The following SLC4A4 variants were observed in gnomAD, a reference collection of about 807,000 sequenced individuals.
SLC4A4 encodes the protein solute carrier family 4 member 4.
A neutral mutation model predicts 111.5 loss-of-function variants in SLC4A4; 27 were observed. The ratio of observed to expected loss-of-function variants is 0.24; its 90% CI spans 0.18 to 0.33. The LOEUF (loss-of-function observed/expected upper bound fraction) is 0.33, where lower values mean the gene tolerates loss of function less well. SLC4A4 is among the 10% of genes least tolerant of loss of function. The pLI, the probability that SLC4A4 is intolerant of heterozygous loss-of-function variation, is 1.00. For missense variants in SLC4A4, 909 were observed against 1,315.5 expected (o/e 0.69, Z 4.78); for synonymous variants, 443 against 463.4 (o/e 0.96, Z 0.57).
At chr4:71,510,265 T>C (rs1031850477) in intron 16 of SLC4A4, among the ~76,000 whole-genome samples, 2 of 152,218 alleles carry the variant, frequency 1.3e-5, no homozygotes, top group African/African-American at 4.8e-5. Flanking sequence ...GGATGCCTTT[T>C]CCTTTGTCTA....
chr4:71,546,666 A>G (rs1735547800), intron 19 of SLC4A4, 138 bp downstream of exon 19: 7 of 793,722 alleles, frequency 8.8e-6, no homozygotes, highest in Non-Finnish European at 4.2e-6. Flanking sequence ...TGTTCCAGAA[A>G]GGACTAAATT....
intron 8 of SLC4A4, 148 bp downstream of exon 8, chr4:71,440,921 C>T: frequency 1.1e-6 from 1 of 872,040 alleles, no homozygotes; most frequent in South Asian, 1.4e-5. Context: ...GACTTTTATA[C>T]TGTCAAATTT....
At chr4:71,264,733 AAAC>A (rs532894153) in intron 3 of SLC4A4, among the ~76,000 whole-genome samples, 91 of 152,226 alleles carry the variant, frequency 6.0e-4, no homozygotes, top group Non-Finnish European at 1.0e-3. Context: ...TGAATGCCAC[AAAC>A]AACAACAACC....
intron 14 of SLC4A4, among the ~76,000 whole-genome samples, chr4:71,476,846 G>T (rs1728421452): frequency 6.6e-6 from 1 of 151,682 alleles, no homozygotes; most frequent in Non-Finnish European, 1.5e-5. Context: ...GTGGATACAT[G>T]CCATACATGG....
intron 7 of SLC4A4, among the ~76,000 whole-genome samples, chr4:71,427,870 T>C (rs961844994): frequency 9.2e-5 from 14 of 152,152 alleles, no homozygotes; most frequent in Non-Finnish European, 7.4e-5. Flanking sequence ...AGAAATATAG[T>C]TGGGCCTATG....
chr4:71,450,816 G>A lies in SLC4A4; in HGVS notation c.1208+273G>A, dbSNP rs921570980. ...GAATGTATCACAGACATGCTTTGGC[G>A]ATGTTTTGGGGACCCCCTGTATATC... On this transcript the variant is annotated intron_variant, in intron 10 of 25. Coordinates refer to ENST00000264485, the MANE Select transcript of SLC4A4 (RefSeq NM_001098484.3). 3.9e-5 allele frequency among the ~76,000 whole-genome samples: 6 copies of A among 152,176 alleles called. No individual in the cohort carries two copies. The East Asian group carries it at 7.7e-4, about 20-fold the overall frequency.
intron 1 of SLC4A4, among the ~76,000 whole-genome samples, chr4:71,203,001 A>G (rs1180856933): frequency 3.9e-5 from 6 of 151,990 alleles, no homozygotes; most frequent in Admixed American, 2.6e-4. Flanking sequence ...TTTTTTTCCT[A>G]TTGAGACTAA....
In SLC4A4 at chr4:71,420,379, T is replaced by C. The variant is rs550912170; in HGVS notation, c.808-20237T>C. On this transcript the variant is annotated intron_variant, in intron 7 of 25. Transcript: ENST00000264485. ...CTCTGATTGGTGTACCTGAAAGTGA[T>C]GGGGAGAATGGAACCAAGTTGGAAA... is the stretch of plus-strand genomic sequence containing the variant. Among the ~76,000 whole-genome samples the C allele has an allele frequency of 3.9e-5, 6 of 152,240 alleles. No homozygotes were observed. The South Asian group carries it at 1.2e-3, about 32-fold the overall frequency.
At chr4:71,508,632 G>C (rs549009021) in intron 16 of SLC4A4, among the ~76,000 whole-genome samples, 1 of 151,990 alleles carries the variant, frequency 6.6e-6, no homozygotes, top group East Asian at 1.9e-4. Flanking sequence ...CCAACAACCC[G>C]AAAAAGCCCA....
At chr4:71,133,807 C>A (rs1025250855) in intron 2 of SLC4A4, among the ~76,000 whole-genome samples, 1 of 152,192 alleles carries the variant, frequency 6.6e-6, no homozygotes, top group Non-Finnish European at 1.5e-5. Flanking sequence ...TTGGCACCCC[C>A]GTTGCTCAAA....
chr4:71,255,490 G>A (rs1435331689), intron 3 of SLC4A4, 91 bp downstream of exon 3: 7 of 1,264,430 alleles, frequency 5.5e-6, no homozygotes, highest in African/African-American at 1.5e-5. Context: ...CTAAAGGGGA[G>A]GGACACTGTA....
At chr4:71,193,229 G>T (rs1050308845) in intron 1 of SLC4A4, among the ~76,000 whole-genome samples, 2 of 152,114 alleles carry the variant, frequency 1.3e-5, no homozygotes, top group African/African-American at 2.4e-5. Context: ...GCCGGATCTC[G>T]GCTCACTGCA....
intron 2 of SLC4A4, among the ~76,000 whole-genome samples, chr4:71,130,554 A>C (rs981562150): frequency 6.6e-6 from 1 of 152,130 alleles, no homozygotes; most frequent in African/African-American, 2.4e-5. Context: ...TGTTAAATGA[A>C]TGTCACTTAC....
intron 4 of SLC4A4, among the ~76,000 whole-genome samples, chr4:71,348,136 A>G (rs1729490607): frequency 6.6e-6 from 1 of 152,194 alleles, no homozygotes; most frequent in Non-Finnish European, 1.5e-5. Flanking sequence ...CCAATGTAAC[A>G]TTCTCCATCA....
intron 3 of SLC4A4, among the ~76,000 whole-genome samples, chr4:71,275,835 C>T (rs993670600): frequency 1.3e-5 from 2 of 152,234 alleles, no homozygotes; most frequent in Non-Finnish European, 2.9e-5. Flanking sequence ...AACCATTTCC[C>T]ACCAACATTA....
chr4:71,197,194 G>A (rs975677473), intron 1 of SLC4A4, among the ~76,000 whole-genome samples: 1 of 152,074 alleles, frequency 6.6e-6, no homozygotes, highest in Admixed American at 6.5e-5. Context: ...CAGCCTGGGC[G>A]ACAGAGCGAG....
At chr4:71,415,498 A>G (rs1579048528) in intron 7 of SLC4A4, among the ~76,000 whole-genome samples, 1 of 152,238 alleles carries the variant, frequency 6.6e-6, no homozygotes, top group Admixed American at 6.5e-5. Context: ...ACAGATGAGT[A>G]GGCTAAATGT....
intron 12 of SLC4A4, among the ~76,000 whole-genome samples, chr4:71,457,744 A>G (rs1293390228): frequency 1.3e-5 from 2 of 152,098 alleles, no homozygotes; most frequent in African/African-American, 2.4e-5. Context: ...CATGCATGCC[A>G]ACTCACTACA....
intron 1 of SLC4A4, among the ~76,000 whole-genome samples, chr4:71,203,367 C>T (rs189474717): frequency 1.3e-5 from 2 of 152,040 alleles, no homozygotes; most frequent in African/African-American, 4.8e-5. Flanking sequence ...TCTTTCACTG[C>T]GTAAGAGATA....
Sources: gnomAD v4.1 joint callset for allele counts (sites outside exome capture counted in the v4.1 genomes callset) on GRCh38, gnomAD v4.1.1 for gene constraint, MANE v1.5 for transcripts, NCBI Gene and HGNC (gene_info 2026-07-23, HGNC 2026-07-21) for gene names.